The following TTBK1 variants were observed in gnomAD, a reference collection of about 807,000 sequenced individuals.
TTBK1 encodes the protein tau tubulin kinase 1.
TTBK1 carries 34 observed loss-of-function variants against 108.5 expected under a neutral mutation model. The ratio of observed to expected loss-of-function variants is 0.31; its 90% CI spans 0.24 to 0.42. The LOEUF is 0.42. Among genes scored for constraint, TTBK1 ranks in the 10% least tolerant of loss-of-function variants. TTBK1 has a pLI of 1.00. For missense variants in TTBK1, 1,539 were observed against 1,826.0 expected (o/e 0.84, Z 2.86); for synonymous variants, 809 against 795.1 (o/e 1.02, Z -0.29).
rs1176504107 is a variant in TTBK1, at chr6:43,253,881, C to T, written c.471+173C>T. On this transcript the variant is annotated intron_variant, in intron 5 of 14. Transcript: ENST00000259750. The surrounding 1 kb of genome is among the most constrained non-coding windows in gnomAD (Gnocchi z 5.8). The stretch of plus-strand genomic sequence containing the variant: ...TCCCAGGCCCCATCTCTTCCTCTCC[C>T]GTGCTCCCCAGGAGCATGCACCCCT... Among the ~76,000 whole-genome samples, 1 of 152,206 alleles carries T rather than the reference C, an allele frequency of 6.6e-6. No homozygotes were observed. Among genetic ancestry groups the T allele is most frequent in the Admixed American group, 6.5e-5 (1 of 15,286 alleles).
chr6:43,251,897 C>T (rs1012188321), intron 2 of TTBK1, among the ~76,000 whole-genome samples: 1 of 152,132 alleles, frequency 6.6e-6, no homozygotes, highest in African/African-American at 2.4e-5. Context: ...CCCCTTTTGC[C>T]CACATACTCT....
chr6:43,248,439 T>C (rs1297556964), intron 2 of TTBK1, among the ~76,000 whole-genome samples: 1 of 151,840 alleles, frequency 6.6e-6, no homozygotes, highest in Non-Finnish European at 1.5e-5. Context: ...AATAAATACG[T>C]GGACCAGGCA....
At chr6:43,254,869 C>G (rs1777342812) in intron 6 of TTBK1, among the ~76,000 whole-genome samples, 180 bp from the exon 7 acceptor site, 2 of 152,042 alleles carry the variant, frequency 1.3e-5, no homozygotes, top group Admixed American at 6.5e-5. Context: ...GATTTTCCTC[C>G]CCACTCTGGG....
chr6:43,244,876 C>T (rs191902298), intron 1 of TTBK1, among the ~76,000 whole-genome samples: 93 of 152,270 alleles, frequency 6.1e-4, no homozygotes, highest in African/African-American at 2.0e-3. Flanking sequence ...GAACCCCCAT[C>T]CCTACCTCTC....
In TTBK1 at chr6:43,255,538, C is replaced by T; in HGVS notation, c.643-14C>T. On this transcript the variant is annotated splice_polypyrimidine_tract_variant and intron_variant, in intron 7 of 14. Transcript: ENST00000259750. ...ACCTGAGAGCTGCAGGTGACTCCCT[C>T]CCCCCACCTCCAGGAGATGGGCCGC... 1 of 1,584,954 alleles carries T rather than the reference C, an allele frequency of 6.3e-7. No homozygotes were observed. Among genetic ancestry groups the T allele is most frequent in the South Asian group, 1.1e-5 (1 of 87,686 alleles).
intron 2 of TTBK1, among the ~76,000 whole-genome samples, chr6:43,251,273 C>T (rs1157967724): frequency 1.3e-5 from 2 of 152,140 alleles, no homozygotes; most frequent in African/African-American, 2.4e-5. Context: ...ACGTTCGGGG[C>T]GGGTTCAGAG....
In TTBK1 at chr6:43,253,407, T is replaced by C; in HGVS notation, c.330+43T>C. On this transcript the variant is annotated intron_variant, in intron 4 of 14. Transcript: ENST00000259750. The surrounding 1 kb of genome is among the most constrained non-coding windows in gnomAD (Gnocchi z 5.8). ...ATCCTCGCTCCCCTCTCTAAGAGCT[T>C]GGGCTGTGACTCCAGGGTAGGGGAA... 6.2e-7 allele frequency: 1 copy of C among 1,611,072 alleles called. No homozygotes were observed. The highest frequency in any genetic ancestry group is 8.5e-7 in the Non-Finnish European group (1 of 1,177,782).
In TTBK1 at chr6:43,259,684, C is replaced by G. The variant is rs1282305469; in HGVS notation, c.1402C>G (p.Arg468Gly). 1 of 1,596,412 alleles carries G rather than the reference C, an allele frequency of 6.3e-7. No homozygotes were observed. Among genetic ancestry groups the G allele is most frequent in the Non-Finnish European group, 8.5e-7 (1 of 1,172,122 alleles). Reference protein sequence around the residue: ...ESERLSTADGRVELPERRSRM... With the variant: ...ESERLSTADGGVELPERRSRM... ...AGAAAGGCTGTCCACGGCGGACGGG[C>G]GAGTGGAGCTACCTGAGAGGAGGTG... is the stretch of plus-strand genomic sequence containing the variant. Residue 468 changes from arginine to glycine, a missense_variant, in exon 12 of 15, where the codon CGA becomes GGA. Physicochemically the swap from Arg to Gly is moderately radical, Grantham distance 125. This residue lies in a region of TTBK1 where 277 missense variants were observed against 332.4 expected (regional missense o/e 0.83). Coordinates refer to ENST00000259750, the MANE Select transcript of TTBK1 (RefSeq NM_032538.3). This position sits in a 1 kb window ranked among gnomAD's most constrained non-coding sequence, Gnocchi z 6.7.
At chr6:43,261,314 T>C (rs1777534797) in intron 12 of TTBK1, among the ~76,000 whole-genome samples, 1 of 152,064 alleles carries the variant, frequency 6.6e-6, no homozygotes, top group African/African-American at 2.4e-5. Flanking sequence ...ACAGCCTGAA[T>C]GTGAGGGAGT....
rs1452942761 is a variant in TTBK1, at chr6:43,262,925, G to A, written c.1561G>A (p.Glu521Lys). The change falls in exon 13 of 15, where the codon GAG (glutamate) becomes AAG (lysine). Residue 521 changes from glutamate (E) to lysine (K), a missense_variant. Transcript: ENST00000259750. ...GGACGTGTCAGCCTCTGTGGAGCAG[G>A]AGGCCCTGAGCAACGCCTTCCGCTC... ...RMDVSASVEQ[E>K]ALSNAFRSVP... is the part of the protein sequence containing the mutation. 2 of 1,613,930 alleles carry A rather than the reference G, an allele frequency of 1.2e-6. No individual in the cohort carries two copies. The highest frequency in any genetic ancestry group is 1.7e-6 in the Non-Finnish European group (2 of 1,179,958).
intron 2 of TTBK1, among the ~76,000 whole-genome samples, chr6:43,247,124 AAG>A (rs1777112512): frequency 6.6e-6 from 1 of 150,900 alleles, no homozygotes; most frequent in Admixed American, 6.6e-5. Context: ...GACCTTGGAG[AAG>A]GGCAGTGGAC....
At position 43,259,472 on chromosome 6, in the gene TTBK1, G is replaced by T; in HGVS notation, c.1249-59G>T. 23 of 1,496,458 alleles carry T rather than the reference G, an allele frequency of 1.5e-5. No individual in the cohort carries two copies. Among genetic ancestry groups the T allele is most frequent in the Non-Finnish European group, 2.1e-5 (23 of 1,120,554 alleles). The allele number at this position is 1,496,458 out of a possible 1,614,324, so 92.7% of individuals were successfully genotyped here. Reference sequence around the variant, plus strand: ...TCCTCTGTCTCCTTCACCCTGAGGAGACCATCCGCCCACAGCCGCCTCATC... The same window carrying T: ...TCCTCTGTCTCCTTCACCCTGAGGATACCATCCGCCCACAGCCGCCTCATC... On this transcript the variant is annotated intron_variant, in intron 11 of 14. Transcript: ENST00000259750. The surrounding 1 kb of genome is among the most constrained non-coding windows in gnomAD (Gnocchi z 6.7).
chr6:43,254,944 C>G, intron 6 of TTBK1, 105 bp from the exon 7 acceptor site: 43 of 1,133,892 alleles, frequency 3.8e-5, no homozygotes, highest in Non-Finnish European at 5.8e-5. Context: ...ACCTCCCCAG[C>G]CAGGGGAGGT....
Position 43,255,823 on chromosome 6 carries a change from C to T in TTBK1, c.828C>T (p.Ala276=), listed in dbSNP as rs1272486737. ...SEFHLFLDHI[A]SLDYFTKPDY... ...TCCACCTCTTCCTGGACCACATTGC[C>T]AGCCTCGACTACTTCACCAAGCCCG... The change falls in exon 9 of 15, where the codon GCC becomes GCT. Residue 276 remains alanine (A), a synonymous_variant. Transcript: ENST00000259750. 2 of 1,614,044 alleles carry T rather than the reference C, an allele frequency of 1.2e-6. No individual in the cohort carries two copies. The highest frequency in any genetic ancestry group is 1.3e-5 in the African/African-American group (1 of 74,904).
intron 2 of TTBK1, among the ~76,000 whole-genome samples, chr6:43,250,151 A>T (rs2150682643): frequency 6.6e-6 from 1 of 152,156 alleles, no homozygotes; most frequent in African/African-American, 2.4e-5. Flanking sequence ...ACCCTGGGAA[A>T]TTGGGAAGTA....
At chr6:43,271,494 T>C (rs1777833740) in intron 13 of TTBK1, 1 of 985,472 alleles carries the variant, frequency 1.0e-6, no homozygotes, top group East Asian at 1.1e-4. Flanking sequence ...TAGTTTCCTA[T>C]GTAGCTACTC....
rs1392098579 is a variant in TTBK1, at chr6:43,263,132, G to C, written c.1768G>C (p.Glu590Gln). 2.4e-5 allele frequency: 38 copies of C among 1,567,848 alleles called. No homozygotes were observed. The highest frequency in any genetic ancestry group is 3.1e-5 in the Non-Finnish European group (36 of 1,155,510). ...CGAAGAGCGGCGGCGGCTGGGGGCAGAGCCCACCGTCCGGCCCCGGGGACG... is the reference window on the plus strand; with the variant it reads ...CGAAGAGCGGCGGCGGCTGGGGGCACAGCCCACCGTCCGGCCCCGGGGACG... The part of the protein sequence containing the change: ...EGEERRRLGA[E>Q]PTVRPRGRSM... The change falls in exon 13 of 15, where the codon GAG becomes CAG. Residue 590 changes from glutamate to glutamine, a missense_variant. By Grantham distance (29) the Glu-to-Gln change is conservative. Around this residue, in one of 5 missense-constraint regions of TTBK1, gnomAD observed 1,055 missense variants for 1,086.5 expected, o/e 0.97. Coordinates refer to ENST00000259750, the MANE Select transcript of TTBK1 (RefSeq NM_032538.3). The surrounding 1 kb of genome is among the most constrained non-coding windows in gnomAD (Gnocchi z 4.7).
intron 12 of TTBK1, among the ~76,000 whole-genome samples, chr6:43,261,553 G>A (rs1013914748): frequency 6.6e-6 from 1 of 152,142 alleles, no homozygotes; most frequent in Non-Finnish European, 1.5e-5. Flanking sequence ...AGTGGCTCGC[G>A]TCTGTAATCC....
Position 43,285,374 on chromosome 6 carries a change from T to C in TTBK1, c.3964T>C (p.Ter1322GlnextTer1). The C allele has an allele frequency of 7.8e-7, 1 of 1,276,568 alleles. No homozygotes were observed. The highest frequency in any genetic ancestry group is 3.0e-5 in the South Asian group (1 of 33,730). The allele number at this position is 1,276,568 out of a possible 1,614,324, so 79.1% of individuals were successfully genotyped here. The change falls in exon 15 of 15, where the codon TAA (stop) becomes CAA (glutamine). Residue 1322 changes from the stop codon to glutamine (Q), a stop_lost. Coordinates refer to ENST00000259750, the MANE Select transcript of TTBK1 (RefSeq NM_032538.3). This position sits in a 1 kb window ranked among gnomAD's most constrained non-coding sequence, Gnocchi z 4.7. ...GGAEGRAGAR* is the reference protein window; with the variant it reads ...GGAEGRAGARQ ...CGCGGAGGGCCGGGCTGGGGCCAGA[T>C]AATGACGCCCGCTGCTCTCCGCGGT...
Sources: allele counts gnomAD v4.1 joint callset (sites outside exome capture counted in the v4.1 genomes callset), GRCh38; gene constraint gnomAD v4.1.1; regional missense constraint gnomAD v4.1.1; non-coding constraint Gnocchi (gnomAD v3.1); transcripts MANE v1.5; gene names NCBI Gene and HGNC (gene_info 2026-07-23, HGNC 2026-07-21).